The following LYPLA1 variants were observed in gnomAD, a reference collection of about 807,000 sequenced individuals.
LYPLA1 encodes the protein acyl-protein thioesterase 1.
Under a neutral mutation model 34.0 loss-of-function variants are expected in LYPLA1, and 17 were observed. The ratio of observed to expected loss-of-function variants is 0.50; its 90% CI spans 0.34 to 0.75. The LOEUF (loss-of-function observed/expected upper bound fraction) is 0.75, where lower values mean the gene tolerates loss of function less well. Among genes scored for constraint, LYPLA1 ranks in the 30% least tolerant of loss-of-function variants. The pLI is 0.01. For synonymous variants in LYPLA1, 98 were observed against 100.8 expected (o/e 0.97, Z 0.17); for missense variants, 203 against 288.8 (o/e 0.70, Z 2.15).
chr8:54,101,607 C>A, intron 1 of LYPLA1, 148 bp downstream of exon 1: 2 of 1,150,510 alleles, frequency 1.7e-6, no homozygotes, highest in Non-Finnish European at 2.1e-6. Flanking sequence ...GCGGACCCGG[C>A]CGCGCGGACC....
chr8:54,078,670 A>T (rs765997530), intron 2 of LYPLA1, among the ~76,000 whole-genome samples: 2 of 152,152 alleles, frequency 1.3e-5, no homozygotes, highest in African/African-American at 2.4e-5. Context: ...TGACTTTGGG[A>T]TAAGCAGGAA....
intron 1 of LYPLA1, 58 bp from the exon 2 acceptor site, chr8:54,100,997 T>A: frequency 7.2e-7 from 1 of 1,382,146 alleles, no homozygotes; most frequent in South Asian, 1.2e-5. Context: ...ACAGGATTGT[T>A]ACACACTAGC....
chr8:54,081,822 C>G (rs552166529), intron 2 of LYPLA1, among the ~76,000 whole-genome samples: 23 of 152,126 alleles, frequency 1.5e-4, no homozygotes, highest in African/African-American at 5.3e-4. Context: ...CTCCGCCTCC[C>G]AGGTTCAAGT....
chr8:54,084,994 C>A (rs1808600711), intron 2 of LYPLA1, among the ~76,000 whole-genome samples: 1 of 143,754 alleles, frequency 7.0e-6, no homozygotes, highest in African/African-American at 3.0e-5. Flanking sequence ...CCCTCCTCTC[C>A]CTCCTCTTCC....
intron 2 of LYPLA1, among the ~76,000 whole-genome samples, chr8:54,095,293 G>A (rs1472134576): frequency 6.6e-6 from 1 of 151,902 alleles, no homozygotes; most frequent in Non-Finnish European, 1.5e-5. Flanking sequence ...CACTGCACCC[G>A]GCCAGAACAA....
intron 2 of LYPLA1, among the ~76,000 whole-genome samples, chr8:54,074,981 C>T (rs914364762): frequency 6.6e-6 from 1 of 152,210 alleles, no homozygotes; most frequent in Admixed American, 6.5e-5. Context: ...TAGCCAAGCT[C>T]TAGCTACATT....
chr8:54,060,359 A>T (rs1806510785), intron 5 of LYPLA1, among the ~76,000 whole-genome samples: 2 of 152,222 alleles, frequency 1.3e-5, no homozygotes, highest in South Asian at 4.1e-4. Context: ...TCTCGACCTC[A>T]GGCGATCCGC....
chr8:54,089,181 C>CTT (rs1444297047), intron 2 of LYPLA1, among the ~76,000 whole-genome samples: 1 of 152,112 alleles, frequency 6.6e-6, no homozygotes, highest in African/African-American at 2.4e-5. Context: ...GAACTGTATA[C>CTT]TTTAAAAGAG....
intron 2 of LYPLA1, among the ~76,000 whole-genome samples, chr8:54,086,436 ATT>A (rs373575061): frequency 5.8e-5 from 7 of 121,234 alleles, no homozygotes; most frequent in African/African-American, 1.1e-4. Context: ...TACTAAAAAA[ATT>A]AAAAAAAAAA....
At chr8:54,044,043 C>T (rs919843633), downstream of LYPLA1, among the ~76,000 whole-genome samples, 70 of 152,070 alleles carry the variant, frequency 4.6e-4, no homozygotes, top group South Asian at 2.1e-4. Flanking sequence ...AGGTGCACGC[C>T]ACCATGCCCA....
chr8:54,061,774 C>A (rs971701354), intron 5 of LYPLA1, among the ~76,000 whole-genome samples: 1 of 152,096 alleles, frequency 6.6e-6, no homozygotes, highest in African/African-American at 2.4e-5. Context: ...ACAGCAAGAC[C>A]CTCTCTGGGG....
intron 2 of LYPLA1, among the ~76,000 whole-genome samples, chr8:54,067,759 G>A (rs890804135): frequency 1.8e-4 from 27 of 149,396 alleles, no homozygotes; most frequent in African/African-American, 5.7e-4. Context: ...GCAGTGGCGC[G>A]ATCTCGGCTC....
intron 5 of LYPLA1, among the ~76,000 whole-genome samples, chr8:54,058,867 C>A (rs1806396763): frequency 6.6e-6 from 1 of 152,108 alleles, no homozygotes; most frequent in Non-Finnish European, 1.5e-5. Context: ...CATCCCTTGG[C>A]CTCAATCACC....
At chr8:54,062,222 CT>C (rs1806694808) in intron 5 of LYPLA1, 31 bp downstream of exon 5, 3 of 1,428,064 alleles carry the variant, frequency 2.1e-6, no homozygotes, top group Non-Finnish European at 2.9e-6. Context: ...TTTAAGAACA[CT>C]TTTGGCTTTA....
intron 2 of LYPLA1, chr8:54,073,134 C>G (rs1807617611): frequency 4.2e-6 from 3 of 722,482 alleles, no homozygotes; most frequent in Non-Finnish European, 7.8e-6. Context: ...CTCAGGGAGA[C>G]CTGGCCTTCA....
At chr8:54,049,820 T>C (rs1224088710) in intron 8 of LYPLA1, among the ~76,000 whole-genome samples, 1 of 152,176 alleles carries the variant, frequency 6.6e-6, no homozygotes, top group Non-Finnish European at 1.5e-5. Flanking sequence ...CTTCCTCATT[T>C]CCCTATCCAC....
intron 5 of LYPLA1, among the ~76,000 whole-genome samples, chr8:54,057,193 T>C (rs752467962): frequency 3.3e-5 from 5 of 152,182 alleles, no homozygotes; most frequent in Non-Finnish European, 7.3e-5. Context: ...GGGAACAGTT[T>C]GGAGGTTCCT....
chr8:54,045,917 T>C (rs1000489413), downstream of LYPLA1, among the ~76,000 whole-genome samples: 4 of 151,996 alleles, frequency 2.6e-5, no homozygotes, highest in Non-Finnish European at 4.4e-5. Flanking sequence ...AAAAATTAGC[T>C]GGGCATGGTG....
At chr8:54,091,531 A>C (rs963000888) in intron 2 of LYPLA1, among the ~76,000 whole-genome samples, 1 of 142,408 alleles carries the variant, frequency 7.0e-6, no homozygotes. Flanking sequence ...AAAGAAAAGA[A>C]AAAAGAAAAG....
Sources: allele counts gnomAD v4.1 joint callset (sites outside exome capture counted in the v4.1 genomes callset), GRCh38; gene constraint gnomAD v4.1.1; transcripts MANE v1.5; gene names NCBI Gene and HGNC (gene_info 2026-07-23, HGNC 2026-07-21).